Variants in PPP1R9A observed in about 807,000 individuals in gnomAD.
The protein encoded by PPP1R9A is protein phosphatase 1 regulatory subunit 9A.
PPP1R9A carries 59 observed loss-of-function variants against 141.9 expected under a neutral mutation model. That is an observed-to-expected ratio of 0.42 (90% CI 0.34 to 0.52). The LOEUF (loss-of-function observed/expected upper bound fraction) is 0.52, where lower values mean the gene tolerates loss of function less well. PPP1R9A is among the 20% of genes least tolerant of loss of function. The pLI is 0.10. For missense variants in PPP1R9A, 1,444 were observed against 1,611.9 expected (o/e 0.90, Z 1.78); for synonymous variants, 500 against 569.7 (o/e 0.88, Z 1.74).
intron 2 of PPP1R9A, among the ~76,000 whole-genome samples, chr7:95,109,703 G>A (rs1312684784): frequency 6.6e-6 from 1 of 151,924 alleles, no homozygotes; most frequent in Non-Finnish European, 1.5e-5. Flanking sequence ...AATTAGCTGA[G>A]TGTGATGGCA....
intron 2 of PPP1R9A, among the ~76,000 whole-genome samples, chr7:95,075,636 C>A (rs1814721507): frequency 6.6e-6 from 1 of 151,936 alleles, no homozygotes; most frequent in Non-Finnish European, 1.5e-5. Flanking sequence ...GGGATCAAGA[C>A]CATCCTGGCT....
At position 95,131,640 on chromosome 7, in the gene PPP1R9A, C is replaced by CT. The variant is rs561350935; in HGVS notation, c.1649+10822dup. ...TTTTTAGGTTCTATATGAATTTTAA[C>CT]TTTTTTTTTTTTTTGTCTTTCAGGA... is the stretch of plus-strand genomic sequence containing the variant. On this transcript the variant is annotated intron_variant, in intron 4 of 19. Transcript: ENST00000433360. 6.4e-3 allele frequency among the ~76,000 whole-genome samples: 897 copies of CT among 139,802 alleles called. 5 individuals are homozygous for CT. The highest frequency in any genetic ancestry group is 0.021 in the South Asian group (91 of 4,376). 91.7% of individuals were successfully genotyped at this position (139,802 alleles called of 152,430 possible).
chr7:95,094,879 C>CAAAAAAAAAAAAAAAA (rs1166550834), intron 2 of PPP1R9A, among the ~76,000 whole-genome samples: 5 of 44,990 alleles, frequency 1.1e-4, no homozygotes, highest in Non-Finnish European at 1.3e-4. Context: ...GACTGCGTCT[C>CAAAAAAAAAAAAAAAA]AAAAAAAAAA....
At chr7:94,991,390 T>G (rs1333124888) in intron 2 of PPP1R9A, among the ~76,000 whole-genome samples, 1 of 152,164 alleles carries the variant, frequency 6.6e-6, no homozygotes, top group Non-Finnish European at 1.5e-5. Context: ...TTTTTGTTTG[T>G]TTTTCTGTTT....
intron 16 of PPP1R9A, among the ~76,000 whole-genome samples, chr7:95,276,799 C>G (rs1311799590): frequency 6.6e-6 from 1 of 151,978 alleles, no homozygotes; most frequent in Admixed American, 6.6e-5. Flanking sequence ...TTTTCTCTTG[C>G]AAGAAAAAAA....
At chr7:95,208,810 C>T (rs186345431) in intron 7 of PPP1R9A, among the ~76,000 whole-genome samples, 3 of 151,864 alleles carry the variant, frequency 2.0e-5, no homozygotes, top group South Asian at 4.2e-4. Flanking sequence ...TTCTGTTCAT[C>T]GAAAGAATAC....
At chr7:95,047,237 A>G (rs1810148900) in intron 2 of PPP1R9A, among the ~76,000 whole-genome samples, 1 of 152,198 alleles carries the variant, frequency 6.6e-6, no homozygotes, top group Non-Finnish European at 1.5e-5. Context: ...TATAGTATAC[A>G]TGAATAAATT....
In PPP1R9A at chr7:95,003,634, T is replaced by C. The variant is rs572576602; in HGVS notation, c.1395+92126T>C. 7.3e-4 allele frequency among the ~76,000 whole-genome samples: 111 copies of C among 152,266 alleles called. 2 individuals carry two copies. In the South Asian group the frequency reaches 0.023, roughly 32 times the overall value. On this transcript the variant is annotated intron_variant, in intron 2 of 19. Coordinates refer to ENST00000433360, the MANE Select transcript of PPP1R9A (RefSeq NM_001166160.2). ...CAAACATAGATCAAATACTTAGTAATTTATTTGACCTATAATGCTGGTTCT... is the reference window on the plus strand; with the variant it reads ...CAAACATAGATCAAATACTTAGTAACTTATTTGACCTATAATGCTGGTTCT...
intron 2 of PPP1R9A, among the ~76,000 whole-genome samples, chr7:94,928,899 G>T (rs1371307227): frequency 4.6e-5 from 7 of 152,118 alleles, no homozygotes; most frequent in Admixed American, 4.6e-4. Context: ...GTGTCTTCAA[G>T]TTTTTGTCCC....
chr7:95,103,348 G>T (rs950236436), intron 2 of PPP1R9A, among the ~76,000 whole-genome samples: 25 of 97,382 alleles, frequency 2.6e-4, no homozygotes, highest in African/African-American at 3.5e-4. Flanking sequence ...AGTATGTTTG[G>T]TTTTTTTTCA....
intron 2 of PPP1R9A, among the ~76,000 whole-genome samples, chr7:95,100,979 A>G (rs1001714987): frequency 6.7e-5 from 10 of 148,832 alleles, no homozygotes; most frequent in Non-Finnish European, 1.5e-4. Context: ...CAGCCTCCCG[A>G]GTAGCTGGGA....
intron 8 of PPP1R9A, among the ~76,000 whole-genome samples, chr7:95,229,952 C>T (rs543465948): frequency 1.3e-5 from 2 of 152,106 alleles, no homozygotes; most frequent in Non-Finnish European, 2.9e-5. Context: ...TGCTGGTATC[C>T]ATGGCTACAA....
chr7:95,106,044 C>T (rs1225504992), intron 2 of PPP1R9A, among the ~76,000 whole-genome samples: 1 of 151,876 alleles, frequency 6.6e-6, no homozygotes, highest in Non-Finnish European at 1.5e-5. Context: ...CGTTTGAGGC[C>T]AAGAGATCAA....
At chr7:95,132,070 T>C (rs138755042) in intron 4 of PPP1R9A, among the ~76,000 whole-genome samples, 34 of 152,356 alleles carry the variant, frequency 2.2e-4, no homozygotes, top group African/African-American at 7.9e-4. Flanking sequence ...AAGTTGTTTA[T>C]CAGTTTCAGA....
intron 1 of PPP1R9A, among the ~76,000 whole-genome samples, chr7:94,909,540 T>C (rs879398191): frequency 6.6e-6 from 1 of 152,188 alleles, no homozygotes; most frequent in Non-Finnish European, 1.5e-5. Context: ...TTCTTAAAGA[T>C]CGATGAACTG....
In PPP1R9A at chr7:95,295,275, TGTAA is replaced by T. The variant is rs1204454900; in HGVS notation, c.*4976_*4979del. On this transcript the variant is annotated 3_prime_UTR_variant, in exon 20 of 20. Coordinates refer to ENST00000433360, the MANE Select transcript of PPP1R9A (RefSeq NM_001166160.2). ...CATAGATTTTAAGAGATTTTTTTAT[TGTAA>T]GTATTTCTACTAAATGCACTTATCC... 3 of 152,676 alleles carry T rather than the reference TGTAA, an allele frequency of 2.0e-5. No individual in the cohort carries two copies. The highest frequency in any genetic ancestry group is 4.4e-5 in the Non-Finnish European group (3 of 68,052). 9.5% of individuals were successfully genotyped at this position (152,676 alleles called of 1,614,324 possible). A position where few individuals can be genotyped will look rare whatever the true frequency, so the allele number is the denominator to read the frequency against.
At chr7:94,959,736 G>C (rs996502500) in intron 2 of PPP1R9A, among the ~76,000 whole-genome samples, 1 of 151,548 alleles carries the variant, frequency 6.6e-6, no homozygotes, top group Non-Finnish European at 1.5e-5. Context: ...AGGAATTATT[G>C]TCCTGTCACT....
intron 8 of PPP1R9A, among the ~76,000 whole-genome samples, chr7:95,245,311 C>G (rs984501936): frequency 6.6e-6 from 1 of 152,140 alleles, no homozygotes; most frequent in Non-Finnish European, 1.5e-5. Context: ...CACATAGCAA[C>G]TCTTCAACGA....
chr7:95,207,535 A>G (rs1791089916), intron 7 of PPP1R9A, among the ~76,000 whole-genome samples: 1 of 152,202 alleles, frequency 6.6e-6, no homozygotes, highest in South Asian at 2.1e-4. Flanking sequence ...GAAGCAACAT[A>G]TAAAAGAGAT....
Sources: gnomAD v4.1 joint callset for allele counts (sites outside exome capture counted in the v4.1 genomes callset) on GRCh38, gnomAD v4.1.1 for gene constraint, MANE v1.5 for transcripts, NCBI Gene and HGNC (gene_info 2026-07-23, HGNC 2026-07-21) for gene names.